AGBL4: variants seen among roughly 807,000 people sequenced by gnomAD.
AGBL4 encodes AGBL carboxypeptidase 4, also known as cytosolic carboxypeptidase 6.
AGBL4 carries 58 observed loss-of-function variants against 66.4 expected under a neutral mutation model. That is an observed-to-expected ratio of 0.87 (90% CI 0.71 to 1.09). AGBL4 has a LOEUF of 1.09. Ranked by LOEUF, AGBL4 falls within the 50% of genes least tolerant of loss-of-function variation. The probability of loss-of-function intolerance (pLI) is 0.00; values close to 1 mark genes in which losing one functional copy is unlikely to be tolerated. For missense variants in AGBL4, 579 were observed against 631.0 expected (o/e 0.92, Z 0.88); for synonymous variants, 234 against 222.9 (o/e 1.05, Z -0.44).
chr1:49,423,424 G>T (rs1278666570), intron 3 of AGBL4, among the ~76,000 whole-genome samples: 1 of 152,148 alleles, frequency 6.6e-6, no homozygotes, highest in African/African-American at 2.4e-5. Context: ...ACAGGCATGA[G>T]AGGACAATGG....
chr1:48,985,782 C>T (rs928142714), intron 5 of AGBL4, among the ~76,000 whole-genome samples: 2 of 151,548 alleles, frequency 1.3e-5, no homozygotes, highest in Admixed American at 6.6e-5. Context: ...AAAAAGCAGG[C>T]ATGCAAAGAA....
chr1:48,715,494 C>T (rs1301813100), intron 6 of AGBL4, among the ~76,000 whole-genome samples: 1 of 152,198 alleles, frequency 6.6e-6, no homozygotes, highest in African/African-American at 2.4e-5. Flanking sequence ...TCTTGGGAGG[C>T]AAGAGGGACT....
At chr1:49,565,694 C>G (rs1644178535) in intron 3 of AGBL4, among the ~76,000 whole-genome samples, 1 of 152,142 alleles carries the variant, frequency 6.6e-6, no homozygotes, top group Non-Finnish European at 1.5e-5. Flanking sequence ...GATGGGCTTC[C>G]CTTTGTGGGT....
chr1:49,468,941 A>G (rs781590055), intron 3 of AGBL4, among the ~76,000 whole-genome samples: 5 of 151,840 alleles, frequency 3.3e-5, no homozygotes, highest in Non-Finnish European at 7.4e-5. Flanking sequence ...TTGGATGACT[A>G]CGTACACAGT....
In AGBL4 at chr1:49,116,259, G is replaced by A. The variant is rs563757588; in HGVS notation, c.378-70459C>T. On this transcript the variant is annotated intron_variant, in intron 4 of 13. Transcript: ENST00000371839. ...TTATACTTTAAGTTCTAGGGTACAT[G>A]TGCACAACGTGCAGGTTTGTTACAT... 1.8e-3 allele frequency among the ~76,000 whole-genome samples: 274 copies of A among 152,250 alleles called. 3 individuals carry two copies. Among genetic ancestry groups the A allele is most frequent in the Non-Finnish European group, 1.5e-3 (105 of 68,016 alleles).
intron 3 of AGBL4, among the ~76,000 whole-genome samples, chr1:49,378,050 G>A (rs902153208): frequency 6.6e-6 from 1 of 151,646 alleles, no homozygotes; most frequent in South Asian, 2.1e-4. Context: ...TTCATGCCAT[G>A]TCTCCCAACA....
At chr1:48,767,353 C>T (rs997321140) in intron 6 of AGBL4, among the ~76,000 whole-genome samples, 10 of 152,200 alleles carry the variant, frequency 6.6e-5, no homozygotes, top group African/African-American at 2.4e-4. Context: ...AGCTGTTAGG[C>T]TACCCTTGTG....
At chr1:48,548,603 G>A (rs376993383) in intron 11 of AGBL4, among the ~76,000 whole-genome samples, 417 of 152,266 alleles carry the variant, frequency 2.7e-3, no homozygotes, top group African/African-American at 9.7e-3. Flanking sequence ...TCCCTTCCCT[G>A]TCCTGCTCCT....
intron 5 of AGBL4, among the ~76,000 whole-genome samples, chr1:49,008,274 CAAAG>C (rs1662036303): frequency 6.6e-6 from 1 of 151,910 alleles, no homozygotes; most frequent in African/African-American, 2.4e-5. Context: ...TCAAAAGAGA[CAAAG>C]AAGGCCACTA....
At chr1:48,669,563 A>G (rs1646243466) in intron 6 of AGBL4, among the ~76,000 whole-genome samples, 1 of 152,192 alleles carries the variant, frequency 6.6e-6, no homozygotes. Context: ...TCCTACAAGA[A>G]TATTATACTT....
chr1:49,193,408 T>C (rs1015598366), intron 4 of AGBL4, among the ~76,000 whole-genome samples: 1 of 151,866 alleles, frequency 6.6e-6, no homozygotes, highest in Non-Finnish European at 1.5e-5. Context: ...CCATATTCAT[T>C]CATTTCAAAA....
chr1:49,970,215 A>G (rs545052769), intron 1 of AGBL4, among the ~76,000 whole-genome samples: 17 of 152,300 alleles, frequency 1.1e-4, no homozygotes, highest in Admixed American at 7.2e-4. Flanking sequence ...ATCTGACACC[A>G]AAAACATGAG....
chr1:49,555,952 A>G (rs1653407345), intron 3 of AGBL4, among the ~76,000 whole-genome samples: 1 of 152,180 alleles, frequency 6.6e-6, no homozygotes, highest in Non-Finnish European at 1.5e-5. Context: ...TAGTTCAACC[A>G]TTGTGGAAGA....
At chr1:49,249,535 A>G (rs1242525163) in intron 3 of AGBL4, among the ~76,000 whole-genome samples, 3 of 152,190 alleles carry the variant, frequency 2.0e-5, no homozygotes, top group Non-Finnish European at 4.4e-5. Flanking sequence ...TCTCACTGCA[A>G]TTAGAATGGC....
rs532857708 is a variant in AGBL4 at position 48,859,217 on chromosome 1, A to T, written c.634+7974T>A. 2.6e-5 allele frequency among the ~76,000 whole-genome samples: 4 copies of T among 152,220 alleles called. No individual in the cohort carries two copies. The South Asian group carries it at 8.3e-4, about 32-fold the overall frequency. ...TTATTATTTCTGGATGTGTTGAATA[A>T]CTTCCAACTGGCAACACCTGCAAAT... On this transcript the variant is annotated intron_variant, in intron 6 of 13. Coordinates refer to ENST00000371839, the MANE Select transcript of AGBL4 (RefSeq NM_032785.4).
intron 6 of AGBL4, among the ~76,000 whole-genome samples, chr1:48,668,665 G>A (rs1031334847): frequency 6.6e-6 from 1 of 152,316 alleles, no homozygotes; most frequent in Admixed American, 6.5e-5. Flanking sequence ...CTCTAAGAAG[G>A]AAAGGAGGAA....
intron 2 of AGBL4, chr1:49,845,758 G>A (rs200885587): frequency 1.5e-5 from 24 of 1,583,884 alleles, no homozygotes; most frequent in East Asian, 6.8e-5. Flanking sequence ...TGGATGCAAC[G>A]AGTGTGGGAA....
At chr1:49,107,694 T>TGTGAGAGAGAGAGA (rs764451269) in intron 4 of AGBL4, among the ~76,000 whole-genome samples, 1 of 113,994 alleles carries the variant, frequency 8.8e-6, no homozygotes, top group African/African-American at 3.9e-5. Context: ...TGTGTGTGTG[T>TGTGAGAGAGAGAGA]GAGAGAGAGA....
At chr1:49,040,698 G>A (rs145554890) in intron 5 of AGBL4, among the ~76,000 whole-genome samples, 4 of 152,092 alleles carry the variant, frequency 2.6e-5, no homozygotes, top group East Asian at 1.9e-4. Flanking sequence ...AATGCAAGAC[G>A]CATAAGATTC....
Sources: allele counts gnomAD v4.1 joint callset (sites outside exome capture counted in the v4.1 genomes callset), GRCh38; gene constraint gnomAD v4.1.1; transcripts MANE v1.5; gene names NCBI Gene and HGNC (gene_info 2026-07-23, HGNC 2026-07-21).